LPGAT1: variants seen among roughly 807,000 people sequenced by gnomAD.
LPGAT1 encodes acyl-CoA:lysophosphatidylglycerol acyltransferase 1.
In LPGAT1, 11 loss-of-function variants were observed where a neutral mutation model predicts 47.5. The observed-to-expected ratio is 0.23, with a 90% CI of 0.15 to 0.38. LPGAT1 has a LOEUF of 0.38. Ranked by LOEUF, LPGAT1 falls within the 10% of genes least tolerant of loss-of-function variation. The probability of loss-of-function intolerance (pLI) is 1.00; values close to 1 mark genes in which losing one functional copy is unlikely to be tolerated. For missense variants in LPGAT1, 293 were observed against 439.0 expected (o/e 0.67, Z 2.97); for synonymous variants, 138 against 144.2 (o/e 0.96, Z 0.31).
intron 2 of LPGAT1, among the ~76,000 whole-genome samples, chr1:211,811,235 T>C (rs1183052635): frequency 6.6e-6 from 1 of 152,070 alleles, no homozygotes; most frequent in Admixed American, 6.6e-5. Context: ...TGGGTCTTGA[T>C]AGGAGGGACA....
At chr1:211,774,130 G>GTATTTTTT (rs1158580879) in intron 6 of LPGAT1, among the ~76,000 whole-genome samples, 2 of 14,654 alleles carry the variant, frequency 1.4e-4, no homozygotes, top group African/African-American at 3.2e-4. Flanking sequence ...TTTTTTAAAA[G>GTATTTTTT]TCTTTTTTTT....
At chr1:211,756,873 C>CT (rs200189758) in intron 6 of LPGAT1, among the ~76,000 whole-genome samples, 5,621 of 139,908 alleles carry the variant, frequency 0.04, 137 homozygotes, top group Middle Eastern at 0.11. Flanking sequence ...TTTTTTTTCT[C>CT]TCTTTTTTTT....
At chr1:211,803,629 A>G (rs1442467111) in intron 2 of LPGAT1, among the ~76,000 whole-genome samples, 1 of 152,238 alleles carries the variant, frequency 6.6e-6, no homozygotes, top group Non-Finnish European at 1.5e-5. Flanking sequence ...AAAAGTGAAC[A>G]GTTTTATACA....
At chr1:211,816,073 G>T (rs940907544) in intron 2 of LPGAT1, among the ~76,000 whole-genome samples, 1 of 151,974 alleles carries the variant, frequency 6.6e-6, no homozygotes, top group Admixed American at 6.6e-5. Flanking sequence ...GAGCCACTGC[G>T]CCTGGCTTTT....
intron 6 of LPGAT1, among the ~76,000 whole-genome samples, chr1:211,751,459 T>C (rs916020867): frequency 6.6e-6 from 1 of 152,214 alleles, no homozygotes; most frequent in Non-Finnish European, 1.5e-5. Context: ...AGTCATTTAG[T>C]TAAATGTCAG....
Position 211,747,336 on chromosome 1 carries a change from A to G in LPGAT1, c.*2563T>C, listed in dbSNP as rs907609317. On this transcript the variant is annotated 3_prime_UTR_variant, in exon 8 of 8. Coordinates refer to ENST00000366997, the MANE Select transcript of LPGAT1 (RefSeq NM_014873.3). ...GAAGGATAGGGCAGATCAAATACAC[A>G]TCTATTTACAACTCACGGAGATATT... 4 of 152,160 alleles carry G rather than the reference A, an allele frequency of 2.6e-5. No individual in the cohort carries two copies. The highest frequency in any genetic ancestry group is 5.9e-5 in the Non-Finnish European group (4 of 68,024). 9.4% of individuals were successfully genotyped at this position (152,160 alleles called of 1,614,324 possible).
intron 6 of LPGAT1, among the ~76,000 whole-genome samples, chr1:211,753,052 C>T (rs1160769805): frequency 6.6e-6 from 1 of 152,164 alleles, no homozygotes; most frequent in Non-Finnish European, 1.5e-5. Context: ...AATCTTCCTC[C>T]TAAGCAATCC....
intron 6 of LPGAT1, among the ~76,000 whole-genome samples, chr1:211,764,094 C>A (rs1657811459): frequency 6.6e-6 from 1 of 152,032 alleles, no homozygotes; most frequent in Non-Finnish European, 1.5e-5. Context: ...ATCACTTGAA[C>A]CCAGGAGGCA....
Position 211,830,160 on chromosome 1 carries a change from C to A in LPGAT1, c.-28+413G>T. On this transcript the variant is annotated intron_variant, in intron 1 of 7. Transcript: ENST00000366997. This position sits in a 1 kb window ranked among gnomAD's most constrained non-coding sequence, Gnocchi z 5.9. ...GATGTGGAAGGGTCGTGGCGGCGGG[C>A]GCGGCCCGCGCGCCGGGCTCACCTC... 1.0e-6 allele frequency: 1 copy of A among 982,880 alleles called. No homozygotes were observed. The highest frequency in any genetic ancestry group is 1.2e-6 in the Non-Finnish European group (1 of 829,098). 60.9% of individuals were successfully genotyped at this position (982,880 alleles called of 1,614,324 possible). A position where few individuals can be genotyped will look rare whatever the true frequency, so the allele number is the denominator to read the frequency against.
At position 211,798,320 on chromosome 1, in the gene LPGAT1, C is replaced by T. The variant is rs535295045; in HGVS notation, c.239-5130G>A. ...ATCCTGAGTAATGGGATTAAAGTCA[C>T]TTTTGGAATCACTAGTAACTAAAAG... On this transcript the variant is annotated intron_variant, in intron 2 of 7. Transcript: ENST00000366997. Among the ~76,000 whole-genome samples the T allele has an allele frequency of 1.8e-4, 27 of 152,238 alleles. No homozygotes were observed. The South Asian group carries it at 5.6e-3, about 32-fold the overall frequency.
At position 211,743,624 on chromosome 1, in the gene LPGAT1, G is replaced by A. The variant is rs1469006572; in HGVS notation, c.*6275C>T. 6.6e-6 allele frequency: 1 copy of A among 152,146 alleles called. No homozygotes were observed. Among genetic ancestry groups the A allele is most frequent in the East Asian group, 1.9e-4 (1 of 5,202 alleles). 9.4% of individuals were successfully genotyped at this position (152,146 alleles called of 1,614,324 possible). ...TTAAAAACAAGCATTTTCATATTAAGTGGAAATTAAAAACAATGGCTTTCC... is the reference window on the plus strand; with the variant it reads ...TTAAAAACAAGCATTTTCATATTAAATGGAAATTAAAAACAATGGCTTTCC... On this transcript the variant is annotated 3_prime_UTR_variant, in exon 8 of 8. Coordinates refer to ENST00000366997, the MANE Select transcript of LPGAT1 (RefSeq NM_014873.3).
intron 2 of LPGAT1, among the ~76,000 whole-genome samples, chr1:211,811,006 T>C (rs1411839208): frequency 6.6e-6 from 1 of 152,182 alleles, no homozygotes; most frequent in East Asian, 1.9e-4. Context: ...GGGACTGTGT[T>C]TAAATAAAGA....
intron 6 of LPGAT1, among the ~76,000 whole-genome samples, chr1:211,763,948 G>C (rs1297601978): frequency 6.6e-6 from 1 of 152,134 alleles, no homozygotes; most frequent in Non-Finnish European, 1.5e-5. Context: ...AAGGCGGGTG[G>C]ATCACCTGAG....
chr1:211,811,962 C>T (rs1660005709), intron 2 of LPGAT1, among the ~76,000 whole-genome samples: 1 of 152,236 alleles, frequency 6.6e-6, no homozygotes, highest in Non-Finnish European at 1.5e-5. Context: ...AAGACTAGCT[C>T]GGCTCTTGCC....
At chr1:211,804,533 A>G (rs961397023) in intron 2 of LPGAT1, among the ~76,000 whole-genome samples, 5 of 152,190 alleles carry the variant, frequency 3.3e-5, no homozygotes, top group African/African-American at 1.2e-4. Flanking sequence ...TATATCTTCC[A>G]GTTATTTTTC....
chr1:211,768,261 A>G (rs919409930), intron 6 of LPGAT1, among the ~76,000 whole-genome samples: 2 of 152,230 alleles, frequency 1.3e-5, no homozygotes, highest in African/African-American at 4.8e-5. Flanking sequence ...CCAGATGAAA[A>G]TGCTTTTGTT....
At chr1:211,786,021 CCT>C (rs1416277462) in intron 4 of LPGAT1, among the ~76,000 whole-genome samples, 12 of 152,210 alleles carry the variant, frequency 7.9e-5, no homozygotes, top group Admixed American at 2.6e-4. Flanking sequence ...TTTTCGGATC[CCT>C]GAGACTGCTA....
At chr1:211,829,378 C>G in intron 1 of LPGAT1, 55 bp from the exon 2 acceptor site, 1 of 1,582,850 alleles carries the variant, frequency 6.3e-7, no homozygotes, top group Non-Finnish European at 8.6e-7. Context: ...TACATCTAAA[C>G]AGTCACCAAC....
chr1:211,790,774 T>C (rs1659077983), intron 3 of LPGAT1, among the ~76,000 whole-genome samples: 1 of 152,194 alleles, frequency 6.6e-6, no homozygotes, highest in South Asian at 2.1e-4. Flanking sequence ...AATTTTAAAT[T>C]ACCTAATATT....
Sources: gnomAD v4.1 joint callset for allele counts (sites outside exome capture counted in the v4.1 genomes callset) on GRCh38, gnomAD v4.1.1 for gene constraint, Gnocchi (gnomAD v3.1) non-coding constraint, MANE v1.5 for transcripts, NCBI Gene and HGNC (gene_info 2026-07-23, HGNC 2026-07-21) for gene names.